AGBL4: variants seen among roughly 807,000 people sequenced by gnomAD.
AGBL4 encodes cytosolic carboxypeptidase 6.
Under a neutral mutation model 66.4 loss-of-function variants are expected in AGBL4, and 58 were observed. The observed-to-expected ratio is 0.87, with a 90% CI of 0.71 to 1.09. The LOEUF (loss-of-function observed/expected upper bound fraction) is 1.09, where lower values mean the gene tolerates loss of function less well. Ranked by LOEUF, AGBL4 falls within the 50% of genes least tolerant of loss-of-function variation. AGBL4 has a pLI of 0.00. For synonymous variants in AGBL4, 234 were observed against 222.9 expected (o/e 1.05, Z -0.44); for missense variants, 579 against 631.0 (o/e 0.92, Z 0.88).
chr1:49,662,901 T>C (rs1308344843), intron 3 of AGBL4, among the ~76,000 whole-genome samples: 1 of 152,072 alleles, frequency 6.6e-6, no homozygotes, highest in Non-Finnish European at 1.5e-5. Context: ...GCACATCAGC[T>C]TCTCAACTGC....
At chr1:49,853,783 T>C (rs1423020668) in intron 1 of AGBL4, among the ~76,000 whole-genome samples, 1 of 152,136 alleles carries the variant, frequency 6.6e-6, no homozygotes, top group Admixed American at 6.5e-5. Flanking sequence ...GGTAATGATA[T>C]ATTGAAATTA....
chr1:49,068,093 T>TG (rs1423895445), intron 4 of AGBL4, among the ~76,000 whole-genome samples: 1 of 152,176 alleles, frequency 6.6e-6, no homozygotes. Context: ...ATTAGAACCT[T>TG]GCGTTTGTAG....
At chr1:48,715,275 C>A (rs559403287) in intron 6 of AGBL4, among the ~76,000 whole-genome samples, 1 of 152,298 alleles carries the variant, frequency 6.6e-6, no homozygotes, top group Non-Finnish European at 1.5e-5. Context: ...CAGTTGCCTC[C>A]CCTGGGACAC....
At chr1:49,782,451 A>G (rs985082539) in intron 2 of AGBL4, among the ~76,000 whole-genome samples, 2 of 152,204 alleles carry the variant, frequency 1.3e-5, no homozygotes, top group Non-Finnish European at 2.9e-5. Flanking sequence ...TGATAAAAAG[A>G]TTAAGATTGT....
intron 1 of AGBL4, among the ~76,000 whole-genome samples, chr1:49,911,371 T>C (rs1186472523): frequency 2.0e-5 from 3 of 152,168 alleles, no homozygotes; most frequent in Non-Finnish European, 1.5e-5. Context: ...CTCCTACAGA[T>C]GGTGGAATAA....
At chr1:49,305,234 A>G (rs971430308) in intron 3 of AGBL4, among the ~76,000 whole-genome samples, 7 of 152,200 alleles carry the variant, frequency 4.6e-5, no homozygotes, top group Admixed American at 4.6e-4. Context: ...AATTCAGTCA[A>G]CTGACATATG....
intron 1 of AGBL4, among the ~76,000 whole-genome samples, chr1:49,948,019 T>TACATATAA (rs1655480897): frequency 1.2e-5 from 1 of 86,648 alleles, no homozygotes; most frequent in Non-Finnish European, 1.9e-5. Context: ...AATATATAAA[T>TACATATAA]ATATATAAAT....
intron 3 of AGBL4, among the ~76,000 whole-genome samples, chr1:49,489,647 G>T (rs1647147061): frequency 6.6e-6 from 1 of 151,662 alleles, no homozygotes; most frequent in African/African-American, 2.4e-5. Context: ...AATGTTCCTT[G>T]TAGCAATTTT....
chr1:49,312,661 T>C (rs1320610872), intron 3 of AGBL4, among the ~76,000 whole-genome samples: 1 of 151,920 alleles, frequency 6.6e-6, no homozygotes, highest in African/African-American at 2.4e-5. Context: ...AACAATGGGC[T>C]ACAGATCTGA....
Position 48,638,743 on chromosome 1 carries a change from A to G in AGBL4, c.840-4139T>C, listed in dbSNP as rs1400129448. 3.3e-5 allele frequency among the ~76,000 whole-genome samples: 5 copies of G among 152,334 alleles called. No individual in the cohort carries two copies. The East Asian group carries it at 9.6e-4, about 29-fold the overall frequency. On this transcript the variant is annotated intron_variant, in intron 8 of 13. Coordinates refer to ENST00000371839, the MANE Select transcript of AGBL4 (RefSeq NM_032785.4). ...TGAATTCCTCAAGAGCAAGGATGCC[A>G]TCTTATTCATGTTGGTATTCCTGTG... is the stretch of plus-strand genomic sequence containing the variant.
At chr1:49,493,897 G>C (rs1048719708) in intron 3 of AGBL4, among the ~76,000 whole-genome samples, 2 of 151,944 alleles carry the variant, frequency 1.3e-5, no homozygotes, top group Admixed American at 6.6e-5. Flanking sequence ...AAGGAAAGGG[G>C]TTTGTATACA....
At chr1:48,950,384 C>A (rs1483152421) in intron 5 of AGBL4, among the ~76,000 whole-genome samples, 1 of 152,202 alleles carries the variant, frequency 6.6e-6, no homozygotes, top group African/African-American at 2.4e-5. Flanking sequence ...AGGCGTGAGC[C>A]ACCGCACCTG....
intron 5 of AGBL4, among the ~76,000 whole-genome samples, chr1:48,999,080 T>C (rs1176969453): frequency 6.6e-6 from 1 of 152,080 alleles, no homozygotes; most frequent in Non-Finnish European, 1.5e-5. Context: ...AGGTAATGAG[T>C]TCCTTGTCAG....
At chr1:49,500,531 G>A (rs951723888) in intron 3 of AGBL4, among the ~76,000 whole-genome samples, 1 of 151,092 alleles carries the variant, frequency 6.6e-6, no homozygotes, top group South Asian at 2.1e-4. Flanking sequence ...TTAAGTTTTT[G>A]ACTCACCTTG....
intron 4 of AGBL4, among the ~76,000 whole-genome samples, chr1:49,096,987 C>T (rs1645117994): frequency 6.6e-6 from 1 of 152,132 alleles, no homozygotes; most frequent in Non-Finnish European, 1.5e-5. Context: ...AAAAAAGACT[C>T]TCCCCTGGAG....
At chr1:49,699,662 G>C (rs10788915) in intron 2 of AGBL4, among the ~76,000 whole-genome samples, 103,636 of 151,688 alleles carry the variant, frequency 0.68, 36,112 homozygotes, top group African/African-American at 0.77. Flanking sequence ...TGCATGACTT[G>C]ACTTATATGT....
intron 3 of AGBL4, among the ~76,000 whole-genome samples, chr1:49,366,321 T>G (rs1644240509): frequency 6.6e-6 from 1 of 152,160 alleles, no homozygotes; most frequent in South Asian, 2.1e-4. Flanking sequence ...TGAATAATTG[T>G]TTTTCCTCTT....
chr1:49,418,652 A>AG (rs1478436174), intron 3 of AGBL4, among the ~76,000 whole-genome samples: 1 of 152,220 alleles, frequency 6.6e-6, no homozygotes, highest in African/African-American at 2.4e-5. Flanking sequence ...ATTTCAGGCC[A>AG]GGAGAACAGC....
chr1:49,085,847 A>G (rs916715595), intron 4 of AGBL4, among the ~76,000 whole-genome samples: 1 of 152,120 alleles, frequency 6.6e-6, no homozygotes, highest in African/African-American at 2.4e-5. Context: ...ATACTGAGGC[A>G]GAGAGCCACC....
Sources: allele counts gnomAD v4.1 joint callset (sites outside exome capture counted in the v4.1 genomes callset), GRCh38; gene constraint gnomAD v4.1.1; transcripts MANE v1.5; gene names NCBI Gene and HGNC (gene_info 2026-07-23, HGNC 2026-07-21).